The following PCDH15 variants were observed in gnomAD, a reference collection of about 807,000 sequenced individuals.
The protein encoded by PCDH15 is protocadherin related 15, also known as protocadherin-15.
A neutral mutation model predicts 178.5 loss-of-function variants in PCDH15; 129 were observed. That is an observed-to-expected ratio of 0.72 (90% CI 0.63 to 0.84). PCDH15 has a LOEUF of 0.84. PCDH15 is among the 40% of genes least tolerant of loss of function. PCDH15 has a pLI of 0.00. For synonymous variants in PCDH15, 800 were observed against 732.0 expected, an observed-to-expected ratio of 1.09 and a Z score of -1.50; for missense variants, 2,230 against 2,099.9, an observed-to-expected ratio of 1.06 and a Z score of -1.21.
chr10:55,559,756 C>T (rs1216990081), intron 2 of PCDH15, among the ~76,000 whole-genome samples: 1 of 151,842 alleles, frequency 6.6e-6, no homozygotes, highest in African/African-American at 2.4e-5. Context: ...CAGTCTTACA[C>T]ATGTAGATGT....
intron 3 of PCDH15, among the ~76,000 whole-genome samples, chr10:54,835,743 G>A (rs912966503): frequency 6.6e-6 from 1 of 152,048 alleles, no homozygotes; most frequent in South Asian, 2.1e-4. Flanking sequence ...TCAATATTCA[G>A]AAAAATATAT....
At chr10:54,577,233 C>T (rs547137330) in intron 2 of PCDH15, among the ~76,000 whole-genome samples, 2 of 146,166 alleles carry the variant, frequency 1.4e-5, no homozygotes, top group East Asian at 4.1e-4. Context: ...TAGGCGTGCA[C>T]CACCACGCCC....
At chr10:55,504,421 C>T (rs893463746) in intron 2 of PCDH15, among the ~76,000 whole-genome samples, 2 of 151,158 alleles carry the variant, frequency 1.3e-5, no homozygotes, top group African/African-American at 4.8e-5. Context: ...AATGAGGTCT[C>T]AAAGACAAAA....
intron 2 of PCDH15, among the ~76,000 whole-genome samples, chr10:55,520,706 C>G (rs1171662188): frequency 6.6e-6 from 1 of 151,544 alleles, no homozygotes; most frequent in African/African-American, 2.4e-5. Flanking sequence ...AATCTACTAA[C>G]AATCTATTGC....
chr10:54,685,679 T>C (rs2094984064), intron 1 of PCDH15, among the ~76,000 whole-genome samples: 1 of 152,180 alleles, frequency 6.6e-6, no homozygotes, highest in Non-Finnish European at 1.5e-5. Context: ...ATATTGTAAG[T>C]TAAAATGCAT....
At chr10:54,045,534 C>G (rs981475551) in intron 18 of PCDH15, among the ~76,000 whole-genome samples, 1 of 151,984 alleles carries the variant, frequency 6.6e-6, no homozygotes, top group African/African-American at 2.4e-5. Flanking sequence ...GCTATTGCTG[C>G]AAGACTAGAC....
At chr10:55,435,103 A>G (rs778163941) in intron 2 of PCDH15, among the ~76,000 whole-genome samples, 52 of 152,318 alleles carry the variant, frequency 3.4e-4, no homozygotes, top group Admixed American at 9.8e-4. Flanking sequence ...TAAGAAATCA[A>G]AAGGAATTTA....
chr10:55,344,765 A>G (rs1844699539), intron 2 of PCDH15, among the ~76,000 whole-genome samples: 2 of 152,186 alleles, frequency 1.3e-5, no homozygotes, highest in South Asian at 4.1e-4. Context: ...AAACAAATTT[A>G]GGAGTAATTA....
chr10:54,086,511 A>G (rs1194927955), intron 16 of PCDH15, among the ~76,000 whole-genome samples: 1 of 152,190 alleles, frequency 6.6e-6, no homozygotes, highest in Non-Finnish European at 1.5e-5. Context: ...GTGGTAGTGC[A>G]AAGTTTTGAA....
At chr10:53,863,529 A>G (rs1019691148) in intron 27 of PCDH15, among the ~76,000 whole-genome samples, 5 of 150,952 alleles carry the variant, frequency 3.3e-5, no homozygotes, top group African/African-American at 4.8e-5. Context: ...TCTTATGATT[A>G]GAGGGTTTAA....
intron 2 of PCDH15, among the ~76,000 whole-genome samples, chr10:54,966,904 T>A (rs547643833): frequency 6.6e-6 from 1 of 152,220 alleles, no homozygotes; most frequent in Non-Finnish European, 1.5e-5. Context: ...GAAAATGAAC[T>A]AATACAGTAA....
chr10:54,050,907 T>C (rs1174891698), intron 18 of PCDH15, among the ~76,000 whole-genome samples: 1 of 152,160 alleles, frequency 6.6e-6, no homozygotes, highest in Non-Finnish European at 1.5e-5. Context: ...GAGCAGTTAC[T>C]TCTATACTGT....
chr10:54,941,301 C>A (rs1452433711), intron 2 of PCDH15, among the ~76,000 whole-genome samples: 1 of 151,928 alleles, frequency 6.6e-6, no homozygotes, highest in Non-Finnish European at 1.5e-5. Context: ...CCTTTCTACC[C>A]CTCTTTTTTG....
At chr10:55,194,914 A>T (rs1056144943) in intron 1 of PCDH15, among the ~76,000 whole-genome samples, 12 of 152,082 alleles carry the variant, frequency 7.9e-5, no homozygotes, top group Non-Finnish European at 1.0e-4. Flanking sequence ...AACATATGTT[A>T]AAAATGTTAT....
At chr10:54,245,128 T>A (rs141499461) in intron 8 of PCDH15, among the ~76,000 whole-genome samples, 1 of 152,116 alleles carries the variant, frequency 6.6e-6, no homozygotes, top group African/African-American at 2.4e-5. Flanking sequence ...CCACACTCAA[T>A]AGGAAGGCAA....
At chr10:54,372,372 A>G (rs4316429) in intron 4 of PCDH15, among the ~76,000 whole-genome samples, 2 of 151,676 alleles carry the variant, frequency 1.3e-5, no homozygotes, top group African/African-American at 4.8e-5. Flanking sequence ...CACCTGGAAC[A>G]GTTATCACTC....
chr10:54,712,523 T>C (rs2132377781), intron 1 of PCDH15, among the ~76,000 whole-genome samples: 1 of 152,052 alleles, frequency 6.6e-6, no homozygotes, highest in East Asian at 1.9e-4. Flanking sequence ...AAATGTCTCA[T>C]ATTTATAGCA....
At chr10:55,615,209 T>TA (rs977544095) in intron 2 of PCDH15, among the ~76,000 whole-genome samples, 2 of 131,918 alleles carry the variant, frequency 1.5e-5, no homozygotes, top group African/African-American at 5.9e-5. Flanking sequence ...GTGACTATAA[T>TA]AAAAAAGTTT....
chr10:54,380,858 G>A (rs1251927084), intron 3 of PCDH15, among the ~76,000 whole-genome samples: 2 of 149,788 alleles, frequency 1.3e-5, no homozygotes, highest in Non-Finnish European at 3.0e-5. Context: ...TTAAAGTAGT[G>A]AAACAAAAAC....
Sources: gnomAD v4.1 joint callset for allele counts (sites outside exome capture counted in the v4.1 genomes callset) on GRCh38, gnomAD v4.1.1 for gene constraint, MANE v1.5 for transcripts, NCBI Gene and HGNC (gene_info 2026-07-23, HGNC 2026-07-21) for gene names.